Variants in CTDSPL observed in about 807,000 individuals in gnomAD.
CTDSPL encodes the protein CTD small phosphatase-like protein.
CTDSPL carries 8 observed loss-of-function variants against 30.5 expected under a neutral mutation model. The ratio of observed to expected loss-of-function variants is 0.26; its 90% confidence interval spans 0.15 to 0.47. The LOEUF is 0.47. Ranked by LOEUF, CTDSPL falls within the 20% of genes least tolerant of loss-of-function variation. The pLI is 0.99. For missense variants in CTDSPL, 248 were observed against 366.1 expected (o/e 0.68, Z 2.63); for synonymous variants, 110 against 137.9 (o/e 0.80, Z 1.42).
intron 7 of CTDSPL, among the ~76,000 whole-genome samples, 187 bp from the exon 8 acceptor site, chr3:37,980,555 C>CCAAG (rs1400598535): frequency 6.6e-6 from 1 of 152,214 alleles, no homozygotes; most frequent in East Asian, 1.9e-4. Flanking sequence ...GAGCCATCTC[C>CCAAG]CAAGCCATTT....
At chr3:37,923,664 G>A (rs1160562519) in intron 1 of CTDSPL, among the ~76,000 whole-genome samples, 2 of 152,118 alleles carry the variant, frequency 1.3e-5, no homozygotes, top group African/African-American at 4.8e-5. Context: ...ATACTGTTGT[G>A]GGAATTCAAA....
intron 4 of CTDSPL, among the ~76,000 whole-genome samples, chr3:37,966,438 G>A (rs563939640): frequency 6.6e-6 from 1 of 152,352 alleles, no homozygotes; most frequent in East Asian, 1.9e-4. Context: ...ACCAGCAGGA[G>A]AGAGGAGAGT....
At chr3:37,891,347 T>G (rs1472229057) in intron 1 of CTDSPL, among the ~76,000 whole-genome samples, 1 of 152,230 alleles carries the variant, frequency 6.6e-6, no homozygotes, top group Non-Finnish European at 1.5e-5. Flanking sequence ...CAAGCAGCCA[T>G]TCACTTCTCT....
At chr3:37,951,474 G>T (rs1389811870) in intron 2 of CTDSPL, among the ~76,000 whole-genome samples, 1 of 152,132 alleles carries the variant, frequency 6.6e-6, no homozygotes, top group Non-Finnish European at 1.5e-5. Context: ...CCAGAAGTTT[G>T]AGACCAGCCT....
chr3:37,906,005 C>G (rs1698510836), intron 1 of CTDSPL, among the ~76,000 whole-genome samples: 1 of 152,180 alleles, frequency 6.6e-6, no homozygotes, highest in South Asian at 2.1e-4. Context: ...TGGGCCAGGC[C>G]TTTCCCCTGC....
intron 1 of CTDSPL, among the ~76,000 whole-genome samples, chr3:37,895,581 T>TA (rs2125598700): frequency 6.6e-6 from 1 of 152,324 alleles, no homozygotes; most frequent in Admixed American, 6.5e-5. Context: ...CTGAAAAACA[T>TA]ATCTAGATCT....
At position 37,982,809 on chromosome 3, in the gene CTDSPL, C is replaced by G; in HGVS notation, c.*1942C>G. 1 of 367,146 alleles carries G rather than the reference C, an allele frequency of 2.7e-6. No homozygotes were observed. Among genetic ancestry groups the G allele is most frequent in the South Asian group, 2.0e-5 (1 of 49,234 alleles). 22.7% of individuals were successfully genotyped at this position (367,146 alleles called of 1,614,324 possible). On this transcript the variant is annotated 3_prime_UTR_variant, in exon 8 of 8. Coordinates refer to ENST00000273179, the MANE Select transcript of CTDSPL (RefSeq NM_001008392.2). The stretch of plus-strand genomic sequence containing the variant: ...ACAAATATTTATTTGGAAAAGTAGT[C>G]ATTAAATGAACCCACTGCCTTAAAT...
rs528217390 is a variant in CTDSPL, at chr3:37,907,680, C to T, written c.80-39377C>T. Among the ~76,000 whole-genome samples, 13 of 152,134 alleles carry T rather than the reference C, an allele frequency of 8.5e-5. No homozygotes were observed. The South Asian group carries it at 1.7e-3, about 19-fold the overall frequency. The stretch of plus-strand genomic sequence containing the variant: ...TATCAGTGTGGGGGAATGTTAAGAA[C>T]GTAGAGCTTAGTGGAAAAAATAAGA... On this transcript the variant is annotated intron_variant, in intron 1 of 7. Transcript: ENST00000273179.
chr3:37,947,323 AC>A, intron 2 of CTDSPL, 112 bp downstream of exon 2: 1 of 1,264,540 alleles, frequency 7.9e-7, no homozygotes, highest in Non-Finnish European at 1.1e-6. Context: ...GTGGTGGCTC[AC>A]GTCTGTAATA....
chr3:37,912,880 T>C (rs1355270938), intron 1 of CTDSPL, among the ~76,000 whole-genome samples: 1 of 152,244 alleles, frequency 6.6e-6, no homozygotes, highest in African/African-American at 2.4e-5. Context: ...TATTAAATAA[T>C]TGCTATGTGC....
In CTDSPL at chr3:37,893,138, G is replaced by A. The variant is rs1336827694; in HGVS notation, c.79+30860G>A. 2.0e-5 allele frequency among the ~76,000 whole-genome samples: 3 copies of A among 152,228 alleles called. No individual in the cohort carries two copies. The East Asian group carries it at 5.8e-4, about 29-fold the overall frequency. On this transcript the variant is annotated intron_variant, in intron 1 of 7. Transcript: ENST00000273179. ...CTGCAGGACACAGCTGACCTTTGGAGAGTCACTGTCTGAGTGAGGCTGCCC... is the reference window on the plus strand; with the variant it reads ...CTGCAGGACACAGCTGACCTTTGGAAAGTCACTGTCTGAGTGAGGCTGCCC...
intron 1 of CTDSPL, among the ~76,000 whole-genome samples, chr3:37,869,266 ATTTC>A (rs1000151499): frequency 1.3e-5 from 2 of 151,958 alleles, no homozygotes; most frequent in African/African-American, 4.8e-5. Flanking sequence ...AACATTTATC[ATTTC>A]TTTGTGTTGG....
intron 7 of CTDSPL, among the ~76,000 whole-genome samples, chr3:37,979,100 T>C (rs1254694725): frequency 6.6e-6 from 1 of 152,182 alleles, no homozygotes; most frequent in Non-Finnish European, 1.5e-5. Context: ...TGGCTAATAA[T>C]AAGACAACTC....
chr3:37,965,479 G>T (rs756968111), intron 4 of CTDSPL, among the ~76,000 whole-genome samples: 3 of 152,190 alleles, frequency 2.0e-5, no homozygotes, highest in African/African-American at 4.8e-5. Flanking sequence ...GTTTTGGGGA[G>T]AAGAAGCAGG....
chr3:37,876,256 A>G (rs1698133207), intron 1 of CTDSPL, among the ~76,000 whole-genome samples: 1 of 152,086 alleles, frequency 6.6e-6, no homozygotes, highest in African/African-American at 2.4e-5. Flanking sequence ...TAAAAAAAAA[A>G]TTAAGGTAAA....
intron 3 of CTDSPL, among the ~76,000 whole-genome samples, chr3:37,958,443 A>T (rs1364318741): frequency 3.3e-5 from 5 of 152,048 alleles, no homozygotes; most frequent in Non-Finnish European, 5.9e-5. Context: ...TTTTTGACAT[A>T]TTTTTTTCCT....
At chr3:37,921,534 T>A (rs1032379285) in intron 1 of CTDSPL, among the ~76,000 whole-genome samples, 1 of 152,168 alleles carries the variant, frequency 6.6e-6, no homozygotes, top group African/African-American at 2.4e-5. Flanking sequence ...TTTTTCCTTA[T>A]GTAACTGTTT....
At position 37,976,045 on chromosome 3, in the gene CTDSPL, G is replaced by A. The variant is rs969277671; in HGVS notation, c.705+151G>A. On this transcript the variant is annotated intron_variant, in intron 7 of 7. Coordinates refer to ENST00000273179, the MANE Select transcript of CTDSPL (RefSeq NM_001008392.2). ...TGCCATTTAGCAGTTGCGTGTCATT[G>A]ACCAAGTTATTTAACCTCACTGAGC... The A allele has an allele frequency of 2.3e-5, 19 of 819,096 alleles. No individual in the cohort carries two copies. In the Admixed American group the frequency reaches 2.7e-4, roughly 11 times the overall value. 50.7% of individuals were successfully genotyped at this position (819,096 alleles called of 1,614,324 possible).
intron 1 of CTDSPL, among the ~76,000 whole-genome samples, chr3:37,881,387 G>C (rs527559943): frequency 1.3e-5 from 2 of 152,184 alleles, no homozygotes; most frequent in African/African-American, 4.8e-5. Flanking sequence ...AAATTAGCTG[G>C]GCCTGGTGGT....
Sources: allele counts gnomAD v4.1 joint callset (sites outside exome capture counted in the v4.1 genomes callset), GRCh38; gene constraint gnomAD v4.1.1; transcripts MANE v1.5; gene names NCBI Gene and HGNC (gene_info 2026-07-23, HGNC 2026-07-21).